MYOM2: variants seen among roughly 807,000 people sequenced by gnomAD.
MYOM2 encodes myomesin 2, also known as myomesin-2.
MYOM2 carries 254 observed loss-of-function variants against 187.6 expected under a neutral mutation model. The ratio of observed to expected loss-of-function variants is 1.35; its 90% CI spans 1.22 to 1.50. The LOEUF is 1.50. Among genes scored for constraint, MYOM2 ranks in the 40% most tolerant of loss-of-function variants. The pLI is 0.00. For missense variants in MYOM2, 2,796 were observed against 1,924.0 expected (o/e 1.45, Z -8.48); for synonymous variants, 981 against 753.8 (o/e 1.30, Z -4.94).
At chr8:2,051,355 G>T (rs985632674) in intron 2 of MYOM2, among the ~76,000 whole-genome samples, 4 of 152,140 alleles carry the variant, frequency 2.6e-5, no homozygotes, top group Non-Finnish European at 2.9e-5. Context: ...GTGTGCACCT[G>T]CATCTTCCGG....
Position 2,050,798 on chromosome 8 carries a change from A to G in MYOM2, c.32A>G (p.Lys11Arg). 1 of 1,613,252 alleles carries G rather than the reference A, an allele frequency of 6.2e-7. No individual in the cohort carries two copies. The highest frequency in any genetic ancestry group is 8.5e-7 in the Non-Finnish European group (1 of 1,179,196). Residue 11 changes from lysine to arginine, a missense_variant, in exon 2 of 37, where the codon AAG (lysine) becomes AGG (arginine). Physicochemically the swap from Lys to Arg is conservative, Grantham distance 26. Coordinates refer to ENST00000262113, the MANE Select transcript of MYOM2 (RefSeq NM_003970.4). MSLVTVPFYQ[K>R]RHRHFDQSYR... ...CTTGTGACTGTCCCCTTCTACCAGA[A>G]GAGACATAGGCACTTCGACCAGTCC... is the stretch of plus-strand genomic sequence containing the variant.
chr8:2,072,657 G>A, intron 9 of MYOM2, 148 bp downstream of exon 9: 1 of 1,049,178 alleles, frequency 9.5e-7, no homozygotes, highest in African/African-American at 1.6e-5. Flanking sequence ...TAGAGGACTT[G>A]GTGGCCCACC....
At chr8:2,122,902 T>G (rs995851680) in intron 28 of MYOM2, among the ~76,000 whole-genome samples, 1 of 152,232 alleles carries the variant, frequency 6.6e-6, no homozygotes, top group Admixed American at 6.5e-5. Flanking sequence ...TATTCTCTAT[T>G]ATTCAGAAAT....
At chr8:2,125,977 A>G (rs1797621787) in intron 31 of MYOM2, among the ~76,000 whole-genome samples, 1 of 152,118 alleles carries the variant, frequency 6.6e-6, no homozygotes, top group Non-Finnish European at 1.5e-5. Flanking sequence ...ATTGCATTCA[A>G]TCTTTAGATT....
Position 2,078,897 on chromosome 8 carries a change from G to C in MYOM2, c.1426G>C (p.Ala476Pro), listed in dbSNP as rs200959191. The C allele has an allele frequency of 1.4e-5, 23 of 1,613,876 alleles. No individual in the cohort carries two copies. Among genetic ancestry groups the C allele is most frequent in the African/African-American group, 2.7e-5 (2 of 74,912 alleles). The change falls in exon 12 of 37, where the codon GCT (alanine) becomes CCT (proline). Residue 476 changes from alanine to proline, a missense_variant. By Grantham distance (27) the Ala-to-Pro change is conservative. Transcript: ENST00000262113. Reference sequence around the variant, plus strand: ...ACCCTCCAGGGTCTCTGATGCGGTGGCTGCACTTGACCCCTTGGACCTCAG... The same window carrying C: ...ACCCTCCAGGGTCTCTGATGCGGTGCCTGCACTTGACCCCTTGGACCTCAG... ...SRPSRVSDAV[A>P]ALDPLDLRRL...
chr8:2,050,726 C>T (rs766193064), intron 1 of MYOM2, 29 bp from the exon 2 acceptor site: 2 of 1,363,866 alleles, frequency 1.5e-6, no homozygotes, highest in South Asian at 1.2e-5. Flanking sequence ...TGCGAGGGAG[C>T]TCAGTGTTGT....
At chr8:2,100,837 G>C (rs777683182) in intron 19 of MYOM2, 39 bp from the exon 20 acceptor site, 1 of 1,610,116 alleles carries the variant, frequency 6.2e-7, no homozygotes, top group South Asian at 1.1e-5. Context: ...TGCTGGACTG[G>C]CTATGCGCGC....
In MYOM2 at chr8:2,123,548, T is replaced by C. The variant is rs1465291877; in HGVS notation, c.3568-7T>C. The C allele has an allele frequency of 1.9e-6, 3 of 1,612,404 alleles. No homozygotes were observed. In the African/African-American group the frequency reaches 4.0e-5, roughly 22 times the overall value. On this transcript the variant is annotated splice_region_variant and splice_polypyrimidine_tract_variant and intron_variant, in intron 29 of 36. Transcript: ENST00000262113. ...TTACATAAATATGGAATGTGTTTTC[T>C]TTGTAGTTGTCAAAGAAGGACCACG...
chr8:2,050,957 C>G, intron 2 of MYOM2, 84 bp downstream of exon 2: 1 of 1,080,870 alleles, frequency 9.3e-7, no homozygotes, highest in Admixed American at 2.0e-5. Context: ...TCCGTCAGCC[C>G]TGGAGAGGCA....
At chr8:2,053,411 C>T (rs1273435475) in intron 3 of MYOM2, among the ~76,000 whole-genome samples, 2 of 152,028 alleles carry the variant, frequency 1.3e-5, no homozygotes, top group African/African-American at 4.8e-5. Flanking sequence ...GTTCTTCTAC[C>T]TATATTTAGG....
At chr8:2,125,049 T>C (rs1475651474) in intron 31 of MYOM2, among the ~76,000 whole-genome samples, 3 of 152,196 alleles carry the variant, frequency 2.0e-5, no homozygotes, top group Non-Finnish European at 4.4e-5. Context: ...TTCTTCCTTT[T>C]GTCAATTGTT....
intron 23 of MYOM2, 44 bp downstream of exon 23, chr8:2,106,641 C>G (rs1454905170): frequency 7.2e-7 from 1 of 1,391,390 alleles, no homozygotes; most frequent in Non-Finnish European, 1.0e-6. Flanking sequence ...GGTTTTATCA[C>G]ACTTTCAAAG....
At chr8:2,135,927 G>T (rs1374553018) in intron 32 of MYOM2, among the ~76,000 whole-genome samples, 1 of 152,172 alleles carries the variant, frequency 6.6e-6, no homozygotes, top group Non-Finnish European at 1.5e-5. Context: ...TGGGCGTGGG[G>T]TCTAGGGTGA....
chr8:2,140,789 G>T lies in MYOM2; in HGVS notation c.3867G>T (p.Gln1289His), dbSNP rs769752263. Residue 1289 changes from glutamine to histidine, a missense_variant, in exon 33 of 37, where the codon CAG becomes CAT. Gln to His is a conservative substitution (Grantham distance 24, BLOSUM62 0). Transcript: ENST00000262113. The part of the protein sequence containing the change: ...IGGSEEMAWL[Q>H]ICEPTEKDKG... ...GGAGTGAAGAGATGGCTTGGCTGCA[G>T]ATATGTGAGCCGACTGAGAAGGATA... is the stretch of plus-strand genomic sequence containing the variant. 1.2e-6 allele frequency: 2 copies of T among 1,614,132 alleles called. No homozygotes were observed. The highest frequency in any genetic ancestry group is 2.7e-5 in the African/African-American group (2 of 75,046).
chr8:2,144,649 C>G lies in MYOM2; in HGVS notation c.4081-15C>G. 3 of 1,611,468 alleles carry G rather than the reference C, an allele frequency of 1.9e-6. No homozygotes were observed. The highest frequency in any genetic ancestry group is 2.5e-6 in the Non-Finnish European group (3 of 1,179,440). ...TTCTAACTCTTCCTTCTCCACCAAC[C>G]TCTTCCGTCCAAAGACCTTGAATCT... On this transcript the variant is annotated splice_polypyrimidine_tract_variant and intron_variant, in intron 36 of 36. Transcript: ENST00000262113.
intron 31 of MYOM2, among the ~76,000 whole-genome samples, chr8:2,128,342 T>G (rs770640585): frequency 6.6e-6 from 1 of 152,228 alleles, no homozygotes; most frequent in Non-Finnish European, 1.5e-5. Flanking sequence ...AATGCCTCTT[T>G]GTTACACTAT....
chr8:2,053,427 G>C (rs2129327782), intron 3 of MYOM2, among the ~76,000 whole-genome samples: 1 of 152,202 alleles, frequency 6.6e-6, no homozygotes, highest in Middle Eastern at 3.4e-3. Context: ...TTAGGTTTTG[G>C]GGGCTACAAT....
intron 32 of MYOM2, among the ~76,000 whole-genome samples, chr8:2,129,908 C>T (rs1414328717): frequency 1.3e-5 from 2 of 152,146 alleles, no homozygotes; most frequent in African/African-American, 4.8e-5. Context: ...GGGTCACCAA[C>T]CCCTATAGAT....
intron 3 of MYOM2, among the ~76,000 whole-genome samples, chr8:2,055,925 C>T (rs2129328787): frequency 6.6e-6 from 1 of 152,268 alleles, no homozygotes; most frequent in Non-Finnish European, 1.5e-5. Flanking sequence ...GTGCACAGTG[C>T]CACAGGCGGC....
Sources: allele counts gnomAD v4.1 joint callset (sites outside exome capture counted in the v4.1 genomes callset), GRCh38; gene constraint gnomAD v4.1.1; transcripts MANE v1.5; gene names NCBI Gene and HGNC (gene_info 2026-07-23, HGNC 2026-07-21).